The following LNPK variants were observed in gnomAD, a reference collection of about 807,000 sequenced individuals.
The protein encoded by LNPK is endoplasmic reticulum junction formation protein lunapark.
In LNPK, 29 loss-of-function variants were observed where a neutral mutation model predicts 55.2. The ratio of observed to expected loss-of-function variants is 0.53; its 90% CI spans 0.39 to 0.72. LNPK has a LOEUF of 0.72. Among genes scored for constraint, LNPK ranks in the 30% least tolerant of loss-of-function variants. The pLI is 0.00. For synonymous variants in LNPK, 162 were observed against 168.2 expected, an observed-to-expected ratio of 0.96 and a Z score of 0.29; for missense variants, 467 against 494.8, an observed-to-expected ratio of 0.94 and a Z score of 0.53.
chr2:175,997,399 G>C (rs1687978679), intron 1 of LNPK, among the ~76,000 whole-genome samples: 1 of 152,092 alleles, frequency 6.6e-6, no homozygotes, highest in South Asian at 2.1e-4. Flanking sequence ...AAACCCTCTT[G>C]AGATGCTAAA....
At chr2:175,937,586 C>T (rs1684618337) in intron 11 of LNPK, 72 bp from the exon 12 acceptor site, 1 of 1,077,950 alleles carries the variant, frequency 9.3e-7, no homozygotes, top group Non-Finnish European at 1.3e-6. Context: ...AGTTAACTCA[C>T]AAGATCACTT....
chr2:175,977,502 A>T (rs1170929258), intron 5 of LNPK, among the ~76,000 whole-genome samples: 1 of 152,226 alleles, frequency 6.6e-6, no homozygotes, highest in Non-Finnish European at 1.5e-5. Flanking sequence ...AAGCAAATAA[A>T]ACTAAAAAGA....
At chr2:175,933,015 T>C (rs1373101439) in intron 12 of LNPK, among the ~76,000 whole-genome samples, 2 of 152,040 alleles carry the variant, frequency 1.3e-5, no homozygotes, top group African/African-American at 4.8e-5. Context: ...ATTCCATCTG[T>C]AAGAAAAATT....
intron 8 of LNPK, among the ~76,000 whole-genome samples, chr2:175,960,493 G>T (rs1311680791): frequency 1.3e-5 from 2 of 151,938 alleles, no homozygotes; most frequent in Non-Finnish European, 2.9e-5. Context: ...CAGAAATAAA[G>T]ATGTTCTTTG....
intron 5 of LNPK, among the ~76,000 whole-genome samples, chr2:175,971,364 G>C (rs1484849580): frequency 6.6e-6 from 1 of 152,046 alleles, no homozygotes; most frequent in Non-Finnish European, 1.5e-5. Flanking sequence ...CGCTTATATA[G>C]GTTGGCATGG....
chr2:175,931,614 T>C (rs1360481985), intron 12 of LNPK, among the ~76,000 whole-genome samples: 5 of 152,162 alleles, frequency 3.3e-5, no homozygotes, highest in Admixed American at 2.0e-4. Flanking sequence ...TCACAAAAAA[T>C]AGTAAGGAAT....
chr2:175,943,158 C>T (rs1381927367), intron 9 of LNPK, among the ~76,000 whole-genome samples: 2 of 150,450 alleles, frequency 1.3e-5, no homozygotes, highest in Non-Finnish European at 1.5e-5. Flanking sequence ...ATTTTTGCCC[C>T]TATGATCATG....
intron 8 of LNPK, among the ~76,000 whole-genome samples, chr2:175,963,548 A>C (rs1457088808): frequency 6.6e-6 from 1 of 152,036 alleles, no homozygotes; most frequent in Non-Finnish European, 1.5e-5. Flanking sequence ...CACTCTGGGG[A>C]CTGTTGTGGG....
intron 12 of LNPK, chr2:175,935,791 C>T: frequency 1.1e-6 from 1 of 934,038 alleles, no homozygotes. Flanking sequence ...ATTGCTCCTC[C>T]TAGATTAGAT....
chr2:175,983,935 T>TA (rs201129217), intron 4 of LNPK, among the ~76,000 whole-genome samples: 63 of 142,566 alleles, frequency 4.4e-4, no homozygotes, highest in South Asian at 8.8e-4. Flanking sequence ...AATTAAATGT[T>TA]AAAAAAAAAA....
In LNPK at chr2:175,972,552, G is replaced by A. The variant is rs376141111; in HGVS notation, c.317-1748C>T. On this transcript the variant is annotated intron_variant, in intron 5 of 12. Transcript: ENST00000272748. ...TTTTTTGTAATATAAGTCTACCAGG[G>A]AAAAGAATGTAATACTTTCAGGGGT... Among the ~76,000 whole-genome samples the A allele has an allele frequency of 1.2e-4, 18 of 152,182 alleles. No homozygotes were observed. The East Asian group carries it at 2.9e-3, about 25-fold the overall frequency.
intron 9 of LNPK, among the ~76,000 whole-genome samples, chr2:175,942,085 T>TC (rs1368392032): frequency 6.6e-6 from 1 of 151,564 alleles, no homozygotes; most frequent in Admixed American, 6.6e-5. Context: ...TAAAAAGAAG[T>TC]CCTTCAGGCA....
At chr2:175,954,954 G>A (rs1243679749) in intron 8 of LNPK, among the ~76,000 whole-genome samples, 1 of 152,144 alleles carries the variant, frequency 6.6e-6, no homozygotes, top group African/African-American at 2.4e-5. Flanking sequence ...TATAATGGGA[G>A]CCAACAAAGT....
Position 175,947,543 on chromosome 2 carries a change from C to T in LNPK, c.643G>A (p.Ala215Thr), listed in dbSNP as rs769071230. ...GGPPERTVTP[A>T]LSSNVLPRHL... Reference sequence around the variant, plus strand: ...CTTGGTAACACATTTGATGATAGGGCTGGAGTAACAGTCCTTTCTGGGGGT... The same window carrying T: ...CTTGGTAACACATTTGATGATAGGGTTGGAGTAACAGTCCTTTCTGGGGGT... The change falls in exon 9 of 13, where the codon GCC becomes ACC. Residue 215 changes from alanine to threonine, a missense_variant. Ala to Thr is a moderately conservative substitution (Grantham distance 58). Transcript: ENST00000272748. The T allele has an allele frequency of 1.2e-5, 20 of 1,613,904 alleles. No homozygotes were observed. Among genetic ancestry groups the T allele is most frequent in the Non-Finnish European group, 1.6e-5 (19 of 1,179,992 alleles).
intron 8 of LNPK, among the ~76,000 whole-genome samples, chr2:175,952,085 T>TGTTA (rs58886758): frequency 6.6e-6 from 1 of 150,462 alleles, no homozygotes; most frequent in African/African-American, 2.5e-5. Flanking sequence ...TGGGATTGTT[T>TGTTA]TTTCTTGCTC....
At chr2:175,945,395 C>T (rs897682936) in intron 9 of LNPK, among the ~76,000 whole-genome samples, 3 of 151,018 alleles carry the variant, frequency 2.0e-5, no homozygotes, top group African/African-American at 7.3e-5. Flanking sequence ...ATCCCAGCTA[C>T]TCGGCAGGCT....
Position 175,923,885 on chromosome 2 carries a change from G to T in LNPK, c.*6082C>A, listed in dbSNP as rs1330779719. 6.6e-6 allele frequency: 1 copy of T among 151,980 alleles called. No individual in the cohort carries two copies. Among genetic ancestry groups the T allele is most frequent in the African/African-American group, 2.4e-5 (1 of 41,400 alleles). 9.4% of individuals were successfully genotyped at this position (151,980 alleles called of 1,614,324 possible). On this transcript the variant is annotated 3_prime_UTR_variant, in exon 13 of 13. Transcript: ENST00000272748. The stretch of plus-strand genomic sequence containing the variant: ...TATATGGAGTGATAAAATTTAATAA[G>T]GTTTTCATTCTGTACTCAATTTTTA...
intron 6 of LNPK, among the ~76,000 whole-genome samples, chr2:175,968,895 G>A (rs1686510711): frequency 6.6e-6 from 1 of 152,098 alleles, no homozygotes; most frequent in Non-Finnish European, 1.5e-5. Context: ...GTGCATGCCT[G>A]TAATACCAGC....
intron 1 of LNPK, among the ~76,000 whole-genome samples, chr2:176,001,533 T>G (rs1688159046): frequency 6.6e-6 from 1 of 152,126 alleles, no homozygotes; most frequent in Non-Finnish European, 1.5e-5. Context: ...ACAATGCACC[T>G]TCGCCCTTCC....
Sources: allele counts gnomAD v4.1 joint callset (sites outside exome capture counted in the v4.1 genomes callset), GRCh38; gene constraint gnomAD v4.1.1; transcripts MANE v1.5; gene names NCBI Gene and HGNC (gene_info 2026-07-23, HGNC 2026-07-21).